The following TRIT1 variants were observed in gnomAD, a reference collection of about 807,000 sequenced individuals.
TRIT1 encodes the protein tRNA dimethylallyltransferase.
A neutral mutation model predicts 51.2 loss-of-function variants in TRIT1; 43 were observed. That is an observed-to-expected ratio of 0.84 (90% CI 0.66 to 1.08). The LOEUF (loss-of-function observed/expected upper bound fraction) is 1.08, where lower values mean the gene tolerates loss of function less well. Among genes scored for constraint, TRIT1 ranks in the 50% least tolerant of loss-of-function variants. The pLI is 0.00. For missense variants in TRIT1, 528 were observed against 578.4 expected (o/e 0.91, Z 0.89); for synonymous variants, 184 against 203.9 (o/e 0.90, Z 0.83).
chr1:39,841,749 C>A lies in TRIT1; in HGVS notation c.1399G>T (p.Val467Phe). The A allele has an allele frequency of 6.2e-7, 1 of 1,610,840 alleles. No homozygotes were observed. The highest frequency in any genetic ancestry group is 8.5e-7 in the Non-Finnish European group (1 of 1,178,928). Residue 467 changes from valine to phenylalanine, a missense_variant, in exon 11 of 11, where the codon GTT becomes TTT. Coordinates refer to ENST00000316891, the MANE Select transcript of TRIT1 (RefSeq NM_017646.6). ...AAGGCCACTGGACATGTCTCTTAAA[C>A]GCTGCATTTCAGCTCTTGATCATTC... ...GQNDQELKCS[V>F]
intron 5 of TRIT1, 129 bp from the exon 6 acceptor site, chr1:39,848,226 AAGATTATTATAATAATTC>A (rs769920760): frequency 1.5e-6 from 1 of 663,730 alleles, no homozygotes; most frequent in Non-Finnish European, 2.7e-6. Flanking sequence ...TCAGATTCCA[AAGATTATTATAATAATTC>A]ATACGTTACT....
chr1:39,847,132 A>C, intron 8 of TRIT1, 88 bp downstream of exon 8: 6 of 1,079,612 alleles, frequency 5.6e-6, no homozygotes, highest in Non-Finnish European at 6.9e-6. Context: ...ACAGGCCCAG[A>C]ATCTAAAATT....
intron 1 of TRIT1, among the ~76,000 whole-genome samples, chr1:39,866,935 G>A (rs531668900): frequency 6.6e-6 from 1 of 152,152 alleles, no homozygotes; most frequent in East Asian, 1.9e-4. Context: ...GGGCTGCTGT[G>A]AGCCATGATT....
chr1:39,881,437 GC>G (rs1644263593), intron 1 of TRIT1: 1 of 152,014 alleles, frequency 6.6e-6, no homozygotes, highest in South Asian at 2.1e-4. Context: ...CTTACACACT[GC>G]CTTCATCATG....
chr1:39,868,615 GC>G (rs1455421384), intron 1 of TRIT1, among the ~76,000 whole-genome samples: 1 of 143,520 alleles, frequency 7.0e-6, no homozygotes, highest in African/African-American at 2.7e-5. Context: ...TTGCACTCCA[GC>G]CTGGGCGACA....
At chr1:39,856,959 T>C (rs925836223) in intron 2 of TRIT1, among the ~76,000 whole-genome samples, 11 of 152,234 alleles carry the variant, frequency 7.2e-5, no homozygotes, top group African/African-American at 2.7e-4. Flanking sequence ...ACAGTGCTTC[T>C]CAAATTTTAA....
chr1:39,854,600 C>A (rs181206236), intron 2 of TRIT1, among the ~76,000 whole-genome samples: 2 of 152,284 alleles, frequency 1.3e-5, no homozygotes, highest in Admixed American at 1.3e-4. Context: ...ACTTCAATTT[C>A]CAGGTTCAGC....
chr1:39,870,690 C>A (rs1228877062), intron 1 of TRIT1, among the ~76,000 whole-genome samples: 1 of 151,060 alleles, frequency 6.6e-6, no homozygotes, highest in Non-Finnish European at 1.5e-5. Context: ...AATTCTCATT[C>A]ACTACTGGGA....
chr1:39,864,661 C>A (rs1643436870), intron 1 of TRIT1, among the ~76,000 whole-genome samples: 1 of 151,884 alleles, frequency 6.6e-6, no homozygotes, highest in South Asian at 2.1e-4. Flanking sequence ...ATTGAGAAAC[C>A]CCGATCTAAA....
intron 8 of TRIT1, among the ~76,000 whole-genome samples, chr1:39,846,071 A>G (rs3768308): frequency 0.09 from 13,642 of 152,248 alleles, 1,229 homozygotes; most frequent in East Asian, 0.29. Context: ...GAAATTTGTA[A>G]TACAGCACTG....
chr1:39,875,215 T>G (rs1265822377), intron 1 of TRIT1, among the ~76,000 whole-genome samples: 1 of 152,084 alleles, frequency 6.6e-6, no homozygotes, highest in East Asian at 1.9e-4. Context: ...ACAGGCCAGG[T>G]GCAGTGGCTC....
In TRIT1 at chr1:39,839,369, T is replaced by A. The variant is rs1652484922; in HGVS notation, c.*2375A>T. ...AAGGTGATCTAAGGTTTGTCCCAGC[T>A]TTGCCTTGCTCTGTGACTGGAACAT... On this transcript the variant is annotated 3_prime_UTR_variant, in exon 11 of 11. Coordinates refer to ENST00000316891, the MANE Select transcript of TRIT1 (RefSeq NM_017646.6). Among the ~76,000 whole-genome samples the A allele has an allele frequency of 6.6e-6, 1 of 152,248 alleles. No homozygotes were observed. Among genetic ancestry groups the A allele is most frequent in the African/African-American group, 2.4e-5 (1 of 41,466 alleles).
At chr1:39,870,604 GC>G (rs1158006476) in intron 1 of TRIT1, among the ~76,000 whole-genome samples, 11 of 143,204 alleles carry the variant, frequency 7.7e-5, no homozygotes, top group African/African-American at 2.4e-4. Context: ...ACATAGAACT[GC>G]GGAAATTAAA....
At position 39,839,746 on chromosome 1, in the gene TRIT1, A is replaced by G. The variant is rs1214994321; in HGVS notation, c.*1998T>C. Among the ~76,000 whole-genome samples the G allele has an allele frequency of 6.6e-6, 1 of 152,200 alleles. No homozygotes were observed. Among genetic ancestry groups the G allele is most frequent in the East Asian group, 1.9e-4 (1 of 5,204 alleles). ...TTAGACACTTTTTTTTTGGTAAAAA[A>G]GGCCTGATTTCCAATTGCCATAGAG... On this transcript the variant is annotated 3_prime_UTR_variant, in exon 11 of 11. Transcript: ENST00000316891.
intron 1 of TRIT1, 98 bp downstream of exon 1, chr1:39,883,220 C>A: frequency 7.5e-7 from 1 of 1,342,216 alleles, no homozygotes; most frequent in Non-Finnish European, 1.0e-6. Context: ...CCCCTCCGCC[C>A]CTACAAGCCT....
rs932174671 is a variant in TRIT1, at chr1:39,883,503, C to T, written c.-12G>A. 6.3e-7 allele frequency: 1 copy of T among 1,586,482 alleles called. No homozygotes were observed. Among genetic ancestry groups the T allele is most frequent in the East Asian group, 2.3e-5 (1 of 43,994 alleles). ...GCCACGGACGCCATCTTATGGCAGT[C>T]TGCGCTTGCGCCGGAGCAGCTGTCC... On this transcript the variant is annotated 5_prime_UTR_variant, in exon 1 of 11. Transcript: ENST00000316891.
chr1:39,876,545 T>C (rs1644060108), intron 1 of TRIT1, among the ~76,000 whole-genome samples: 1 of 148,024 alleles, frequency 6.8e-6, no homozygotes, highest in Admixed American at 6.7e-5. Context: ...TCTATCTATC[T>C]ATCTATCTAT....
rs1652512165 is a variant in TRIT1 at position 39,840,524 on chromosome 1, C to T, written c.*1220G>A. On this transcript the variant is annotated 3_prime_UTR_variant, in exon 11 of 11. Coordinates refer to ENST00000316891, the MANE Select transcript of TRIT1 (RefSeq NM_017646.6). Reference sequence around the variant, plus strand: ...TTGCCTGGATTGGTGTTTGTGTACACATGCAATTATTTATAAGCTCCCTGA... The same window carrying T: ...TTGCCTGGATTGGTGTTTGTGTACATATGCAATTATTTATAAGCTCCCTGA... Among the ~76,000 whole-genome samples the T allele has an allele frequency of 6.6e-6, 1 of 152,180 alleles. No homozygotes were observed. The highest frequency in any genetic ancestry group is 1.5e-5 in the Non-Finnish European group (1 of 68,040).
chr1:39,874,971 G>A (rs1015516362), intron 1 of TRIT1, among the ~76,000 whole-genome samples: 9 of 151,746 alleles, frequency 5.9e-5, no homozygotes, highest in Non-Finnish European at 1.3e-4. Context: ...CCCGGCCCCC[G>A]CATGTCTCAT....
Sources: gnomAD v4.1 joint callset for allele counts (sites outside exome capture counted in the v4.1 genomes callset) on GRCh38, gnomAD v4.1.1 for gene constraint, MANE v1.5 for transcripts, NCBI Gene and HGNC (gene_info 2026-07-23, HGNC 2026-07-21) for gene names.